H4C8: variants seen among roughly 807,000 people sequenced by gnomAD.
The protein encoded by H4C8 is H4 clustered histone 8, also known as histone H4.
A neutral mutation model predicts 6.0 loss-of-function variants in H4C8; 8 were observed. The observed-to-expected ratio is 1.33, with a 90% CI of 0.78 to 2.40. H4C8 has a LOEUF of 2.40. Ranked by LOEUF, H4C8 falls within the 30% of genes most tolerant of loss-of-function variation. H4C8 has a pLI of 0.00. For missense variants in H4C8, 211 were observed against 143.4 expected (o/e 1.47, Z -2.41); for synonymous variants, 118 against 51.9 (o/e 2.27, Z -5.47).
chr6:26,285,232 C>T lies in H4C8; in HGVS notation c.268G>A (p.Ala90Thr), dbSNP rs1192319870. Residue 90 changes from alanine to threonine, a missense_variant, in exon 1 of 1, where the codon GCG becomes ACG. By Grantham distance (58) the Ala-to-Thr change is moderately conservative (BLOSUM62 0). Coordinates refer to ENST00000377727, the MANE Select transcript of H4C8 (RefSeq NM_003543.4). ...KTVTAMDVVY[A>T]LKRQGRTLYG... Reference sequence around the variant, plus strand: ...AGAGTGCGTCCCTGTCGCTTCAGCGCGTAGACCACATCCATTGCTGTCACG... The same window carrying T: ...AGAGTGCGTCCCTGTCGCTTCAGCGTGTAGACCACATCCATTGCTGTCACG... 6.2e-7 allele frequency: 1 copy of T among 1,612,350 alleles called. No homozygotes were observed. Among genetic ancestry groups the T allele is most frequent in the Non-Finnish European group, 8.5e-7 (1 of 1,178,494 alleles).
rs752562815 is a variant in H4C8, at chr6:26,285,224, C to T, written c.276G>A (p.Lys92=). 1.7e-5 allele frequency: 27 copies of T among 1,609,124 alleles called. No homozygotes were observed. Among genetic ancestry groups the T allele is most frequent in the Non-Finnish European group, 2.2e-5 (26 of 1,175,802 alleles). Residue 92 remains lysine (K), a synonymous_variant, in exon 1 of 1, where the codon AAG becomes AAA. Transcript: ENST00000377727. ...VTAMDVVYAL[K]RQGRTLYGFG... The stretch of plus-strand genomic sequence containing the variant: ...AGCCGTAAAGAGTGCGTCCCTGTCG[C>T]TTCAGCGCGTAGACCACATCCATTG...
In H4C8 at chr6:26,285,511, T is replaced by G; in HGVS notation, c.-12A>C. On this transcript the variant is annotated 5_prime_UTR_variant, in exon 1 of 1. Coordinates refer to ENST00000377727, the MANE Select transcript of H4C8 (RefSeq NM_003543.4). ...CCACGGCCAGACATGACTAAGCAAC[T>G]TCTAAAACCAACTTAAGAAACCTAA... 6.3e-7 allele frequency: 1 copy of G among 1,580,042 alleles called. No homozygotes were observed. Among genetic ancestry groups the G allele is most frequent in the Non-Finnish European group, 8.6e-7 (1 of 1,158,552 alleles).
Position 26,285,520 on chromosome 6 carries a change from C to A in H4C8, c.-21G>T, listed in dbSNP as rs62396221. ...GACATGACTAAGCAACTTCTAAAAC[C>A]AACTTAAGAAACCTAAACGCCAAGG... On this transcript the variant is annotated 5_prime_UTR_variant, in exon 1 of 1. Coordinates refer to ENST00000377727, the MANE Select transcript of H4C8 (RefSeq NM_003543.4). 20,515 of 1,571,942 alleles carry A rather than the reference C, an allele frequency of 0.013. 182 individuals are homozygous for A. Among genetic ancestry groups the A allele is most frequent in the Middle Eastern group, 0.036 (211 of 5,856 alleles).
At position 26,285,350 on chromosome 6, in the gene H4C8, A is replaced by G. The variant is rs1489412211; in HGVS notation, c.150T>C (p.Leu50=). Residue 50 remains leucine, a synonymous_variant, in exon 1 of 1, where the codon CTT becomes CTC. Coordinates refer to ENST00000377727, the MANE Select transcript of H4C8 (RefSeq NM_003543.4). The part of the protein sequence containing the change: ...RRGGVKRISG[L]IYEETRGVLK... ...GAACACCACGAGTCTCCTCATAGAT[A>G]AGGCCAGAAATTCGCTTGACACCGC... 1.9e-6 allele frequency: 3 copies of G among 1,614,254 alleles called. No individual in the cohort carries two copies. Among genetic ancestry groups the G allele is most frequent in the South Asian group, 1.1e-5 (1 of 91,090 alleles).
In H4C8 at chr6:26,285,436, C is replaced by T. The variant is rs766191416; in HGVS notation, c.64G>A (p.Val22Ile). 3 of 1,614,090 alleles carry T rather than the reference C, an allele frequency of 1.9e-6. No individual in the cohort carries two copies. Among genetic ancestry groups the T allele is most frequent in the Admixed American group, 3.3e-5 (2 of 60,010 alleles). ...GKGGAKRHRK[V>I]LRDNIQGITK... ...ATGCCCTGGATGTTATCGCGCAAAA[C>T]CTTGCGATGACGCTTAGCTCCTCCC... is the stretch of plus-strand genomic sequence containing the variant. Residue 22 changes from valine to isoleucine, a missense_variant, in exon 1 of 1, where the codon GTT becomes ATT. Val to Ile is a conservative substitution (Grantham distance 29, BLOSUM62 3). Coordinates refer to ENST00000377727, the MANE Select transcript of H4C8 (RefSeq NM_003543.4).
rs771187095 is a variant in H4C8 at position 26,285,183 on chromosome 6, G to A, written c.*5C>T. On this transcript the variant is annotated 3_prime_UTR_variant, in exon 1 of 1. Coordinates refer to ENST00000377727, the MANE Select transcript of H4C8 (RefSeq NM_003543.4). Reference sequence around the variant, plus strand: ...ATGAAAATAAGAGTGCAGCAAGCAGGAGCCTTAGCCACCGAAGCCGTAAAG... The same window carrying A: ...ATGAAAATAAGAGTGCAGCAAGCAGAAGCCTTAGCCACCGAAGCCGTAAAG... 12 of 1,580,668 alleles carry A rather than the reference G, an allele frequency of 7.6e-6. No homozygotes were observed. Among genetic ancestry groups the A allele is most frequent in the African/African-American group, 1.4e-5 (1 of 73,972 alleles).
At position 26,285,345 on chromosome 6, in the gene H4C8, T is replaced by A. The variant is rs751532587; in HGVS notation, c.155A>T (p.Tyr52Phe). 5.6e-6 allele frequency: 9 copies of A among 1,614,212 alleles called. No homozygotes were observed. The highest frequency in any genetic ancestry group is 7.6e-6 in the Non-Finnish European group (9 of 1,180,034). ...CTTCAGAACACCACGAGTCTCCTCA[T>A]AGATAAGGCCAGAAATTCGCTTGAC... is the stretch of plus-strand genomic sequence containing the variant. Reference protein sequence around the residue: ...GGVKRISGLIYEETRGVLKVF... With the variant: ...GGVKRISGLIFEETRGVLKVF... The change falls in exon 1 of 1, where the codon TAT becomes TTT. Residue 52 changes from tyrosine to phenylalanine, a missense_variant. Physicochemically the swap from Tyr to Phe is conservative, Grantham distance 22 (BLOSUM62 3). Transcript: ENST00000377727.
chr6:26,285,458 T>C lies in H4C8; in HGVS notation c.42A>G (p.Gly14=), dbSNP rs919070363. ...AAACCTTGCGATGACGCTTAGCTCC[T>C]CCCTTACCCAAACCTTTTCCACCTT... The part of the protein sequence containing the change: ...RGKGGKGLGK[G]GAKRHRKVLR... Residue 14 remains glycine, a synonymous_variant, in exon 1 of 1, where the codon GGA becomes GGG. Coordinates refer to ENST00000377727, the MANE Select transcript of H4C8 (RefSeq NM_003543.4). 2.5e-6 allele frequency: 4 copies of C among 1,611,650 alleles called. No individual in the cohort carries two copies. Among genetic ancestry groups the C allele is most frequent in the Non-Finnish European group, 3.4e-6 (4 of 1,177,994 alleles).
Position 26,285,408 on chromosome 6 carries a change from G to C in H4C8, c.92C>G (p.Thr31Ser). 6.2e-7 allele frequency: 1 copy of C among 1,614,274 alleles called. No homozygotes were observed. Among genetic ancestry groups the C allele is most frequent in the Non-Finnish European group, 8.5e-7 (1 of 1,180,054 alleles). Reference sequence around the variant, plus strand: ...AGCAAGGCGCCGGATAGCTGGCTTAGTGATGCCCTGGATGTTATCGCGCAA... The same window carrying C: ...AGCAAGGCGCCGGATAGCTGGCTTACTGATGCCCTGGATGTTATCGCGCAA... ...KVLRDNIQGITKPAIRRLARR... is the reference protein window; with the variant it reads ...KVLRDNIQGISKPAIRRLARR... Residue 31 changes from threonine (T) to serine (S), a missense_variant, in exon 1 of 1, where the codon ACT (threonine) becomes AGT (serine). Coordinates refer to ENST00000377727, the MANE Select transcript of H4C8 (RefSeq NM_003543.4).
At position 26,285,421 on chromosome 6, in the gene H4C8, T is replaced by C. The variant is rs778137756; in HGVS notation, c.79A>G (p.Ile27Val). ...KRHRKVLRDN[I>V]QGITKPAIRR... ...ATAGCTGGCTTAGTGATGCCCTGGA[T>C]GTTATCGCGCAAAACCTTGCGATGA... The change falls in exon 1 of 1, where the codon ATC becomes GTC. Residue 27 changes from isoleucine to valine, a missense_variant. By Grantham distance (29) the Ile-to-Val change is conservative (BLOSUM62 3). Coordinates refer to ENST00000377727, the MANE Select transcript of H4C8 (RefSeq NM_003543.4). The C allele has an allele frequency of 1.2e-6, 2 of 1,614,252 alleles. No individual in the cohort carries two copies. Among genetic ancestry groups the C allele is most frequent in the South Asian group, 2.2e-5 (2 of 91,090 alleles).
chr6:26,285,210 G>C lies in H4C8; in HGVS notation c.290C>G (p.Thr97Ser). 2 of 1,605,144 alleles carry C rather than the reference G, an allele frequency of 1.2e-6. No individual in the cohort carries two copies. Among genetic ancestry groups the C allele is most frequent in the Non-Finnish European group, 8.5e-7 (1 of 1,172,800 alleles). The change falls in exon 1 of 1, where the codon ACT (threonine) becomes AGT (serine). Residue 97 changes from threonine (T) to serine (S), a missense_variant. Coordinates refer to ENST00000377727, the MANE Select transcript of H4C8 (RefSeq NM_003543.4). Reference protein sequence around the residue: ...VVYALKRQGRTLYGFGG With the variant: ...VVYALKRQGRSLYGFGG ...GCCTTAGCCACCGAAGCCGTAAAGA[G>C]TGCGTCCCTGTCGCTTCAGCGCGTA...
Position 26,285,146 on chromosome 6 carries a change from C to G in H4C8, c.*42G>C. On this transcript the variant is annotated 3_prime_UTR_variant, in exon 1 of 1. Coordinates refer to ENST00000377727, the MANE Select transcript of H4C8 (RefSeq NM_003543.4). ...AAAAGTGGGCGGCCCTGAAAAGGGC[C>G]TTTGGTTGAAAATGAAAATAAGAGT... The G allele has an allele frequency of 6.5e-7, 1 of 1,531,354 alleles. No homozygotes were observed. Among genetic ancestry groups the G allele is most frequent in the Non-Finnish European group, 8.8e-7 (1 of 1,137,392 alleles). The allele number at this position is 1,531,354 out of a possible 1,614,324, so 94.9% of individuals were successfully genotyped here.
chr6:26,285,167 A>T lies in H4C8; in HGVS notation c.*21T>A, dbSNP rs767127586. The stretch of plus-strand genomic sequence containing the variant: ...GGGCCTTTGGTTGAAAATGAAAATA[A>T]GAGTGCAGCAAGCAGGAGCCTTAGC... On this transcript the variant is annotated 3_prime_UTR_variant, in exon 1 of 1. Coordinates refer to ENST00000377727, the MANE Select transcript of H4C8 (RefSeq NM_003543.4). The T allele has an allele frequency of 1.7e-5, 26 of 1,550,760 alleles. No individual in the cohort carries two copies. Among genetic ancestry groups the T allele is most frequent in the Non-Finnish European group, 2.3e-5 (26 of 1,145,470 alleles).
chr6:26,285,357 G>A lies in H4C8; in HGVS notation c.143C>T (p.Ser48Phe). 6.2e-7 allele frequency: 1 copy of A among 1,614,266 alleles called. No individual in the cohort carries two copies. Among genetic ancestry groups the A allele is most frequent in the East Asian group, 2.2e-5 (1 of 44,888 alleles). Residue 48 changes from serine to phenylalanine, a missense_variant, in exon 1 of 1, where the codon TCT (serine) becomes TTT (phenylalanine). Coordinates refer to ENST00000377727, the MANE Select transcript of H4C8 (RefSeq NM_003543.4). ...ACGAGTCTCCTCATAGATAAGGCCAGAAATTCGCTTGACACCGCCGCGACG... is the reference window on the plus strand; with the variant it reads ...ACGAGTCTCCTCATAGATAAGGCCAAAAATTCGCTTGACACCGCCGCGACG... ...LARRGGVKRI[S>F]GLIYEETRGV...
chr6:26,285,415 C>T lies in H4C8; in HGVS notation c.85G>A (p.Gly29Ser), dbSNP rs765268384. Residue 29 changes from glycine (G) to serine (S), a missense_variant, in exon 1 of 1, where the codon GGC becomes AGC. Transcript: ENST00000377727. ...HRKVLRDNIQ[G>S]ITKPAIRRLA... ...CGCCGGATAGCTGGCTTAGTGATGC[C>T]CTGGATGTTATCGCGCAAAACCTTG... The T allele has an allele frequency of 3.1e-6, 5 of 1,614,256 alleles. No individual in the cohort carries two copies. The highest frequency in any genetic ancestry group is 1.7e-5 in the Admixed American group (1 of 60,032).
At position 26,285,400 on chromosome 6, in the gene H4C8, C is replaced by G. The variant is rs1031157581; in HGVS notation, c.100G>C (p.Ala34Pro). The change falls in exon 1 of 1, where the codon GCT becomes CCT. Residue 34 changes from alanine (A) to proline (P), a missense_variant. By Grantham distance (27) the Ala-to-Pro change is conservative (BLOSUM62 -1). Coordinates refer to ENST00000377727, the MANE Select transcript of H4C8 (RefSeq NM_003543.4). ...RDNIQGITKP[A>P]IRRLARRGGV... ...CCGCGACGAGCAAGGCGCCGGATAG[C>G]TGGCTTAGTGATGCCCTGGATGTTA... 1 of 1,614,160 alleles carries G rather than the reference C, an allele frequency of 6.2e-7. No individual in the cohort carries two copies. The highest frequency in any genetic ancestry group is 1.3e-5 in the African/African-American group (1 of 74,940).
In H4C8 at chr6:26,285,526, A is replaced by C. The variant is rs368405266; in HGVS notation, c.-27T>G. 9.6e-6 allele frequency: 15 copies of C among 1,563,832 alleles called. No individual in the cohort carries two copies. The highest frequency in any genetic ancestry group is 1.2e-5 in the Non-Finnish European group (14 of 1,151,122). ...ACTAAGCAACTTCTAAAACCAACTT[A>C]AGAAACCTAAACGCCAAGGCAAAGC... On this transcript the variant is annotated 5_prime_UTR_variant, in exon 1 of 1. Transcript: ENST00000377727.
Position 26,285,257 on chromosome 6 carries a change from G to A in H4C8, c.243C>T (p.Thr81=), listed in dbSNP as rs77357982. The A allele has an allele frequency of 7.6e-5, 123 of 1,613,922 alleles. No homozygotes were observed. In the East Asian group the frequency reaches 1.8e-3, roughly 24 times the overall value. Residue 81 remains threonine (T), a synonymous_variant, in exon 1 of 1, where the codon ACC becomes ACT. Coordinates refer to ENST00000377727, the MANE Select transcript of H4C8 (RefSeq NM_003543.4). ...CGTAGACCACATCCATTGCTGTCAC[G>A]GTCTTGCGTTTGGCGTGCTCTGTGT... ...VTYTEHAKRK[T]VTAMDVVYAL...
Position 26,285,377 on chromosome 6 carries a change from G to A in H4C8, c.123C>T (p.Arg41=), listed in dbSNP as rs1760717292. 1.2e-6 allele frequency: 2 copies of A among 1,614,250 alleles called. No individual in the cohort carries two copies. The highest frequency in any genetic ancestry group is 1.7e-6 in the Non-Finnish European group (2 of 1,180,044). The change falls in exon 1 of 1, where the codon CGC becomes CGT. Residue 41 remains arginine (R), a synonymous_variant. Coordinates refer to ENST00000377727, the MANE Select transcript of H4C8 (RefSeq NM_003543.4). ...TKPAIRRLAR[R]GGVKRISGLI... ...GGCCAGAAATTCGCTTGACACCGCC[G>A]CGACGAGCAAGGCGCCGGATAGCTG...
Sources: allele counts gnomAD v4.1 joint callset, GRCh38; gene constraint gnomAD v4.1.1; transcripts MANE v1.5; gene names NCBI Gene and HGNC (gene_info 2026-07-23, HGNC 2026-07-21).